CATSPERE: variants seen among roughly 807,000 people sequenced by gnomAD.
The protein encoded by CATSPERE is catsper channel auxiliary subunit epsilon.
Under a neutral mutation model 114.1 loss-of-function variants are expected in CATSPERE, and 93 were observed. The observed-to-expected ratio is 0.81, with a 90% confidence interval of 0.69 to 0.97. CATSPERE has a LOEUF of 0.97. Among genes scored for constraint, CATSPERE ranks in the 50% least tolerant of loss-of-function variants. CATSPERE has a pLI of 0.00. For synonymous variants in CATSPERE, 341 were observed against 384.1 expected (o/e 0.89, Z 1.31); for missense variants, 1,058 against 1,131.6 (o/e 0.93, Z 0.93).
intron 15 of CATSPERE, 63 bp from the exon 16 acceptor site, chr1:244,593,332 C>A: frequency 6.4e-7 from 1 of 1,552,656 alleles, no homozygotes; most frequent in South Asian, 1.1e-5. Context: ...TAAACAAAGT[C>A]ATGGGTTTAG....
At chr1:244,571,304 C>G (rs1205839617) in intron 10 of CATSPERE, among the ~76,000 whole-genome samples, 1 of 152,196 alleles carries the variant, frequency 6.6e-6, no homozygotes, top group African/African-American at 2.4e-5. Flanking sequence ...CTGAACCTCC[C>G]TGACTTGATG....
intron 8 of CATSPERE, among the ~76,000 whole-genome samples, chr1:244,536,245 C>T (rs928290217): frequency 6.6e-5 from 10 of 151,880 alleles, no homozygotes; most frequent in African/African-American, 2.4e-4. Context: ...GGCACAAGCA[C>T]TCCATTAGCT....
chr1:244,483,158 G>A (rs371337827), intron 5 of CATSPERE, among the ~76,000 whole-genome samples: 16 of 152,178 alleles, frequency 1.1e-4, no homozygotes, highest in African/African-American at 3.6e-4. Flanking sequence ...AATGTAATCT[G>A]AGGATCAGCA....
rs952574587 is a variant in CATSPERE at position 244,521,202 on chromosome 1, A to G, written c.536+2504A>G. Among the ~76,000 whole-genome samples, 3 of 152,100 alleles carry G rather than the reference A, an allele frequency of 2.0e-5. No individual in the cohort carries two copies. The East Asian group carries it at 5.8e-4, about 29-fold the overall frequency. The stretch of plus-strand genomic sequence containing the variant: ...GACCCCATCTCTATACAAAAATTAA[A>G]AATTAGCCAAGTGTAGTGGCATGCA... On this transcript the variant is annotated intron_variant, in intron 8 of 21. Transcript: ENST00000366534.
At chr1:244,579,010 A>G (rs542627227) in intron 11 of CATSPERE, among the ~76,000 whole-genome samples, 120 of 151,332 alleles carry the variant, frequency 7.9e-4, no homozygotes, top group Non-Finnish European at 1.1e-3. Flanking sequence ...GGCACCCTCT[A>G]TGGGCCCATG....
Position 244,572,634 on chromosome 1 carries a change from T to A in CATSPERE, c.1812T>A (p.Ala604=). 6.2e-7 allele frequency: 1 copy of A among 1,614,140 alleles called. No individual in the cohort carries two copies. Among genetic ancestry groups the A allele is most frequent in the Non-Finnish European group, 8.5e-7 (1 of 1,180,010 alleles). The change falls in exon 11 of 22, where the codon GCT becomes GCA. Residue 604 remains alanine, a synonymous_variant. Transcript: ENST00000366534. ...TTTACTTTTTGGACAAGGGAGAGGC[T>A]CTGACAGTTTGGACTCAGATCGTCT... ...HVFYFLDKGE[A]LTVWTQIVYP...
chr1:244,635,133 C>T (rs922552162), intron 20 of CATSPERE, among the ~76,000 whole-genome samples: 4 of 152,198 alleles, frequency 2.6e-5, no homozygotes, highest in East Asian at 1.9e-4. Context: ...TGTGAGCCAC[C>T]GCGCCTGCCA....
chr1:244,571,147 C>A (rs1664394913), intron 10 of CATSPERE, among the ~76,000 whole-genome samples: 1 of 152,282 alleles, frequency 6.6e-6, no homozygotes, highest in Admixed American at 6.5e-5. Context: ...TTATGTCATC[C>A]ATTCACATTT....
At chr1:244,621,065 TATATAAA>T (rs1204018645) in intron 20 of CATSPERE, among the ~76,000 whole-genome samples, 25 of 59,080 alleles carry the variant, frequency 4.2e-4, no homozygotes, top group Non-Finnish European at 6.7e-4. Context: ...TATATAAATA[TATATAAA>T]ATATATATAT....
At chr1:244,574,903 C>T (rs1377829826) in intron 11 of CATSPERE, among the ~76,000 whole-genome samples, 3 of 152,152 alleles carry the variant, frequency 2.0e-5, no homozygotes, top group African/African-American at 7.2e-5. Context: ...ATGACTTTCA[C>T]AGACAATCTT....
In CATSPERE at chr1:244,490,443, G is replaced by C. The variant is rs765391760; in HGVS notation, c.327-4G>C. On this transcript the variant is annotated splice_region_variant and splice_polypyrimidine_tract_variant and intron_variant, in intron 5 of 21. Coordinates refer to ENST00000366534, the MANE Select transcript of CATSPERE (RefSeq NM_001130957.2). The stretch of plus-strand genomic sequence containing the variant: ...TAAAATATGTTTCCTCTTTTTCCAA[G>C]CAGACATTTCTTTAACAACTTTACC... The C allele has an allele frequency of 1.3e-6, 2 of 1,536,472 alleles. No homozygotes were observed.
At chr1:244,520,138 A>G (rs1277558462) in intron 8 of CATSPERE, among the ~76,000 whole-genome samples, 5 of 152,162 alleles carry the variant, frequency 3.3e-5, no homozygotes, top group African/African-American at 1.2e-4. Context: ...TTACATTTTT[A>G]TGAATTCCTA....
chr1:244,495,577 T>A (rs2148257246), intron 6 of CATSPERE, among the ~76,000 whole-genome samples: 1 of 152,062 alleles, frequency 6.6e-6, no homozygotes, highest in South Asian at 2.1e-4. Flanking sequence ...AAAAATTATT[T>A]CAGCATGGTG....
chr1:244,635,680 C>T (rs1462511995), intron 21 of CATSPERE, 138 bp downstream of exon 21: 2 of 617,642 alleles, frequency 3.2e-6, no homozygotes, highest in Non-Finnish European at 5.8e-6. Context: ...CAGCTTAAAT[C>T]TTATTATGAA....
chr1:244,466,475 C>A (rs1411491312), intron 2 of CATSPERE, among the ~76,000 whole-genome samples: 1 of 152,154 alleles, frequency 6.6e-6, no homozygotes, highest in Non-Finnish European at 1.5e-5. Context: ...CAGAATCCAG[C>A]CAGTACACAC....
intron 20 of CATSPERE, among the ~76,000 whole-genome samples, chr1:244,621,527 C>T (rs1672391343): frequency 6.6e-6 from 1 of 151,306 alleles, no homozygotes; most frequent in Admixed American, 6.6e-5. Flanking sequence ...GTGCTTTAAG[C>T]TCAAGCCTCA....
chr1:244,594,896 T>A (rs1376300767), intron 17 of CATSPERE, among the ~76,000 whole-genome samples: 6 of 152,114 alleles, frequency 3.9e-5, no homozygotes, highest in African/African-American at 7.2e-5. Flanking sequence ...GCAGTCCGTC[T>A]CTCAGAGCTC....
At chr1:244,498,932 A>T in intron 6 of CATSPERE, 70 bp from the exon 7 acceptor site, 1 of 1,112,252 alleles carries the variant, frequency 9.0e-7, no homozygotes, top group East Asian at 2.4e-5. Flanking sequence ...GTTTATGGTT[A>T]TGTTTTGCCA....
chr1:244,455,213 G>A (rs1321432648), intron 1 of CATSPERE, among the ~76,000 whole-genome samples: 1 of 152,078 alleles, frequency 6.6e-6, no homozygotes, highest in Non-Finnish European at 1.5e-5. Context: ...TTCCCTTCTG[G>A]TTTTTTATTT....
Sources: allele counts gnomAD v4.1 joint callset (sites outside exome capture counted in the v4.1 genomes callset), GRCh38; gene constraint gnomAD v4.1.1; transcripts MANE v1.5; gene names NCBI Gene and HGNC (gene_info 2026-07-23, HGNC 2026-07-21).